The following APAF1 variants were observed in gnomAD, a reference collection of about 807,000 sequenced individuals.
The protein encoded by APAF1 is apoptotic peptidase activating factor 1.
Under a neutral mutation model 152.4 loss-of-function variants are expected in APAF1, and 91 were observed. The observed-to-expected ratio is 0.60, with a 90% CI of 0.50 to 0.71. The LOEUF is 0.71. APAF1 is among the 30% of genes least tolerant of loss of function. The pLI is 0.00. For synonymous variants in APAF1, 484 were observed against 494.1 expected, an observed-to-expected ratio of 0.98 and a Z score of 0.27; for missense variants, 1,283 against 1,472.0, an observed-to-expected ratio of 0.87 and a Z score of 2.10.
intron 15 of APAF1, among the ~76,000 whole-genome samples, chr12:98,686,462 C>A (rs185098033): frequency 6.6e-6 from 1 of 152,272 alleles, no homozygotes; most frequent in African/African-American, 2.4e-5. Flanking sequence ...TAAACCACTC[C>A]GTTGAAATAA....
At chr12:98,716,945 A>C (rs2097735422) in intron 22 of APAF1, among the ~76,000 whole-genome samples, 1 of 151,804 alleles carries the variant, frequency 6.6e-6, no homozygotes, top group African/African-American at 2.4e-5. Context: ...GGCTCACTGT[A>C]ACCTCTGCCT....
At chr12:98,699,290 A>T in intron 16 of APAF1, 118 bp from the exon 17 acceptor site, 2 of 1,033,818 alleles carry the variant, frequency 1.9e-6, no homozygotes, top group Non-Finnish European at 2.8e-6. Context: ...ATGCATAGGT[A>T]AAAATAATTC....
chr12:98,708,544 A>G lies in APAF1; in HGVS notation c.2722-41A>G, dbSNP rs745902161. 5.0e-6 allele frequency: 8 copies of G among 1,601,254 alleles called. No homozygotes were observed. In the Admixed American group the frequency reaches 1.2e-4, roughly 23 times the overall value. On this transcript the variant is annotated intron_variant, in intron 19 of 26. Coordinates refer to ENST00000551964, the MANE Select transcript of APAF1 (RefSeq NM_181861.2). ...TCTCGCTTTAAGATGAAGACATGTT[A>G]TTTTAGAGATGGAATGATAATTTCT... is the stretch of plus-strand genomic sequence containing the variant.
intron 12 of APAF1, among the ~76,000 whole-genome samples, chr12:98,673,686 G>A (rs947508771): frequency 1.3e-5 from 2 of 152,180 alleles, no homozygotes; most frequent in Non-Finnish European, 2.9e-5. Context: ...AGTTCAAGAA[G>A]CGTTTGAGTT....
chr12:98,648,020 C>G (rs1357895735), intron 1 of APAF1, among the ~76,000 whole-genome samples: 1 of 152,034 alleles, frequency 6.6e-6, no homozygotes, highest in African/African-American at 2.4e-5. Flanking sequence ...ATTTGAATGT[C>G]TCCTTGAAGT....
At chr12:98,677,669 C>T in intron 13 of APAF1, 118 bp downstream of exon 13, 1 of 1,180,662 alleles carries the variant, frequency 8.5e-7, no homozygotes, top group Non-Finnish European at 1.2e-6. Context: ...CAGAGGAATC[C>T]AGCTCTCTTG....
At chr12:98,659,451 G>A in intron 5 of APAF1, 108 bp downstream of exon 5, 1 of 1,224,916 alleles carries the variant, frequency 8.2e-7, no homozygotes, top group South Asian at 1.2e-5. Context: ...CTATAGGGAG[G>A]ATAAGAGAGA....
Position 98,682,061 on chromosome 12 carries a change from T to G in APAF1, c.2047-1082T>G, listed in dbSNP as rs541754097. Among the ~76,000 whole-genome samples, 9 of 149,834 alleles carry G rather than the reference T, an allele frequency of 6.0e-5. No individual in the cohort carries two copies. The East Asian group carries it at 7.8e-4, about 13-fold the overall frequency. The stretch of plus-strand genomic sequence containing the variant: ...GATGATTAATTTTTTTGTTTTTTTT[T>G]TTTTTTTTTTGAGACGGAGTCTCGC... On this transcript the variant is annotated intron_variant, in intron 14 of 26. Coordinates refer to ENST00000551964, the MANE Select transcript of APAF1 (RefSeq NM_181861.2).
At chr12:98,688,474 T>C (rs1030162293) in intron 16 of APAF1, among the ~76,000 whole-genome samples, 16 of 146,510 alleles carry the variant, frequency 1.1e-4, no homozygotes, top group African/African-American at 2.7e-4. Flanking sequence ...TTCTTTCTTT[T>C]TTTTTTTTTT....
intron 18 of APAF1, among the ~76,000 whole-genome samples, chr12:98,705,413 C>T (rs2097720353): frequency 1.3e-5 from 2 of 152,116 alleles, no homozygotes; most frequent in South Asian, 4.1e-4. Context: ...ATTTTTGGCC[C>T]TTAGCTCTGT....
At chr12:98,719,554 A>G (rs1331416355) in intron 22 of APAF1, among the ~76,000 whole-genome samples, 1 of 148,752 alleles carries the variant, frequency 6.7e-6, no homozygotes, top group African/African-American at 2.5e-5. Context: ...GGGTTTCACC[A>G]TGTTGGCCAG....
chr12:98,709,800 T>C (rs558374045), intron 20 of APAF1, among the ~76,000 whole-genome samples: 1 of 152,272 alleles, frequency 6.6e-6, no homozygotes, highest in Admixed American at 6.5e-5. Flanking sequence ...GGTGGGACAT[T>C]CTCCCTTGCC....
At chr12:98,691,023 A>G (rs1017049227) in intron 16 of APAF1, among the ~76,000 whole-genome samples, 4 of 152,144 alleles carry the variant, frequency 2.6e-5, no homozygotes, top group African/African-American at 9.7e-5. Flanking sequence ...CCTGGCCAAC[A>G]TGGTGAAACC....
intron 5 of APAF1, among the ~76,000 whole-genome samples, chr12:98,661,616 C>T (rs2097665495): frequency 6.6e-6 from 1 of 152,104 alleles, no homozygotes; most frequent in South Asian, 2.1e-4. Flanking sequence ...GCTGGGATTA[C>T]AGGCTTGTGC....
At chr12:98,646,394 G>A (rs996672498) in intron 1 of APAF1, among the ~76,000 whole-genome samples, 2 of 152,198 alleles carry the variant, frequency 1.3e-5, no homozygotes, top group African/African-American at 4.8e-5. Context: ...TGTAAGCCTT[G>A]ACAAGCATAG....
At chr12:98,717,398 G>A (rs187987639) in intron 22 of APAF1, among the ~76,000 whole-genome samples, 141 of 148,510 alleles carry the variant, frequency 9.5e-4, no homozygotes, top group Admixed American at 3.5e-3. Context: ...TTTTTGAGAC[G>A]GAGTTTCACT....
At chr12:98,709,016 T>A (rs2097724888) in intron 20 of APAF1, among the ~76,000 whole-genome samples, 1 of 152,136 alleles carries the variant, frequency 6.6e-6, no homozygotes, top group Non-Finnish European at 1.5e-5. Context: ...TTCAGACATG[T>A]CTGATGGAGT....
chr12:98,668,795 T>C (rs1403919224), intron 10 of APAF1, among the ~76,000 whole-genome samples: 1 of 152,140 alleles, frequency 6.6e-6, no homozygotes, highest in Non-Finnish European at 1.5e-5. Context: ...TTGGATATAT[T>C]AAGTCTGATA....
intron 26 of APAF1, among the ~76,000 whole-genome samples, chr12:98,731,375 G>A (rs1385532770): frequency 6.6e-6 from 1 of 152,136 alleles, no homozygotes; most frequent in East Asian, 1.9e-4. Context: ...CATTTTTCGG[G>A]TAGTTGAACT....
Sources: allele counts gnomAD v4.1 joint callset (sites outside exome capture counted in the v4.1 genomes callset), GRCh38; gene constraint gnomAD v4.1.1; transcripts MANE v1.5; gene names NCBI Gene and HGNC (gene_info 2026-07-23, HGNC 2026-07-21).